Variants in PHF21B observed in about 807,000 individuals in gnomAD.
The protein encoded by PHF21B is PHD finger protein 21B.
PHF21B carries 22 observed loss-of-function variants against 62.2 expected under a neutral mutation model. That is an observed-to-expected ratio of 0.35 (90% confidence interval 0.25 to 0.51). The LOEUF (loss-of-function observed/expected upper bound fraction) is 0.51. PHF21B is among the 20% of genes least tolerant of loss of function. The pLI, the probability that PHF21B is intolerant of heterozygous loss-of-function variation, is 0.97. For synonymous variants in PHF21B, 341 were observed against 314.7 expected (o/e 1.08, Z -0.88); for missense variants, 701 against 707.9 (o/e 0.99, Z 0.11).
At chr22:44,939,284 T>C (rs1461461595) in intron 2 of PHF21B, among the ~76,000 whole-genome samples, 1 of 152,106 alleles carries the variant, frequency 6.6e-6, no homozygotes, top group Non-Finnish European at 1.5e-5. Flanking sequence ...ACTCTGAAGC[T>C]CCAGGGTGCA....
chr22:44,906,811 G>T (rs879302855), intron 5 of PHF21B, among the ~76,000 whole-genome samples: 1 of 152,212 alleles, frequency 6.6e-6, no homozygotes, highest in Non-Finnish European at 1.5e-5. Flanking sequence ...GAGAAGGAAG[G>T]GGAAGCACAG....
At chr22:44,911,637 C>A (rs999851464) in intron 5 of PHF21B, among the ~76,000 whole-genome samples, 8 of 152,224 alleles carry the variant, frequency 5.3e-5, no homozygotes, top group Non-Finnish European at 1.0e-4. Context: ...GGTTTTGGAA[C>A]CTCTGCCTAG....
At chr22:44,974,037 AAAG>A (rs1320225867) in intron 2 of PHF21B, among the ~76,000 whole-genome samples, 2 of 152,190 alleles carry the variant, frequency 1.3e-5, no homozygotes, top group Admixed American at 1.3e-4. Context: ...AGAAGTACTA[AAAG>A]CTTTGGGCTG....
intron 2 of PHF21B, among the ~76,000 whole-genome samples, chr22:44,939,651 C>A (rs1258040549): frequency 6.6e-6 from 1 of 152,122 alleles, no homozygotes; most frequent in Non-Finnish European, 1.5e-5. Flanking sequence ...CCTGTCCCAG[C>A]ATCAACGAGG....
At chr22:44,897,905 C>T (rs570309400) in intron 5 of PHF21B, among the ~76,000 whole-genome samples, 1 of 152,210 alleles carries the variant, frequency 6.6e-6, no homozygotes, top group East Asian at 1.9e-4. Flanking sequence ...AACTCCTGGG[C>T]TCAAGCAATT....
rs2147558003 is a variant in PHF21B, at chr22:45,009,324, G to A, written c.54+172C>T. 4.4e-6 allele frequency: 3 copies of A among 675,734 alleles called. No individual in the cohort carries two copies. Among genetic ancestry groups the A allele is most frequent in the Non-Finnish European group, 7.1e-6 (3 of 420,508 alleles). The allele number at this position is 675,734 out of a possible 1,614,324, so 41.9% of individuals were successfully genotyped here. On this transcript the variant is annotated intron_variant, in intron 1 of 12. Coordinates refer to ENST00000313237, the MANE Select transcript of PHF21B (RefSeq NM_138415.5). The surrounding 1 kb of genome is among the most constrained non-coding windows in gnomAD (Gnocchi z 5.9). ...GGACAGCGCCAGGGGCAGGCGGAGG[G>A]GAGCCCAGAAGGGGGTCCGCGCGTG...
At chr22:44,971,684 C>T (rs2072641336) in intron 2 of PHF21B, among the ~76,000 whole-genome samples, 1 of 152,214 alleles carries the variant, frequency 6.6e-6, no homozygotes, top group Admixed American at 6.5e-5. Context: ...TCCCACAAGC[C>T]ATCAAAACAC....
intron 2 of PHF21B, among the ~76,000 whole-genome samples, chr22:44,921,955 G>T (rs145602018): frequency 6.6e-6 from 1 of 152,072 alleles, no homozygotes; most frequent in Non-Finnish European, 1.5e-5. Flanking sequence ...CACCGCGCCC[G>T]GTCCTGATGG....
At chr22:44,933,707 C>T (rs557816130) in intron 2 of PHF21B, among the ~76,000 whole-genome samples, 65 of 120,978 alleles carry the variant, frequency 5.4e-4, no homozygotes, top group Non-Finnish European at 7.2e-4. Flanking sequence ...TGGAGCTCTT[C>T]GTGCAGATAA....
intron 5 of PHF21B, among the ~76,000 whole-genome samples, chr22:44,898,454 C>T (rs924150195): frequency 4.6e-5 from 7 of 152,098 alleles, no homozygotes; most frequent in Non-Finnish European, 1.0e-4. Flanking sequence ...CCACTCTTTC[C>T]GTGCCTGCCC....
rs993915406 is a variant in PHF21B, at chr22:44,936,301, G to A, written c.121-15811C>T. Among the ~76,000 whole-genome samples, 5 of 152,330 alleles carry A rather than the reference G, an allele frequency of 3.3e-5. No individual in the cohort carries two copies. The South Asian group carries it at 8.3e-4, about 25-fold the overall frequency. On this transcript the variant is annotated intron_variant, in intron 2 of 12. Coordinates refer to ENST00000313237, the MANE Select transcript of PHF21B (RefSeq NM_138415.5). ...CGGCACAGGGGAAGCTGCAGGTCCC[G>A]CCTGGTTCTGAAGGCGGCTCCTTGT...
intron 2 of PHF21B, among the ~76,000 whole-genome samples, chr22:44,987,084 A>G (rs1483590023): frequency 1.3e-5 from 2 of 152,236 alleles, no homozygotes; most frequent in African/African-American, 2.4e-5. Flanking sequence ...GTTTACGCAC[A>G]GAAGAGTAAC....
chr22:44,984,125 CCATCATCATGATCACCATCAT>C (rs2072895737), intron 2 of PHF21B, among the ~76,000 whole-genome samples: 3 of 141,280 alleles, frequency 2.1e-5, no homozygotes, highest in East Asian at 2.1e-4. Flanking sequence ...ACCACCATCA[CCATCATCATGATCACCATCAT>C]CATCACCACC....
At position 45,009,453 on chromosome 22, in the gene PHF21B, G is replaced by A. The variant is rs753215311; in HGVS notation, c.54+43C>T. On this transcript the variant is annotated intron_variant, in intron 1 of 12. Transcript: ENST00000313237. The surrounding 1 kb of genome is among the most constrained non-coding windows in gnomAD (Gnocchi z 5.9). ...TCGGGTCCCCCGACCCCCTCACCCC[G>A]CAACACACTCCCCGGCCCCGGGCCC... is the stretch of plus-strand genomic sequence containing the variant. 8.6e-6 allele frequency: 13 copies of A among 1,512,184 alleles called. No individual in the cohort carries two copies. The highest frequency in any genetic ancestry group is 4.9e-5 in the South Asian group (4 of 81,960). 93.7% of individuals were successfully genotyped at this position (1,512,184 alleles called of 1,614,324 possible).
intron 2 of PHF21B, among the ~76,000 whole-genome samples, chr22:44,986,059 C>A (rs2072941686): frequency 6.6e-6 from 1 of 151,692 alleles, no homozygotes; most frequent in Non-Finnish European, 1.5e-5. Context: ...ACTACCATCA[C>A]AATGATCACC....
chr22:44,963,682 G>A (rs2072469189), intron 2 of PHF21B, among the ~76,000 whole-genome samples: 3 of 152,234 alleles, frequency 2.0e-5, no homozygotes, highest in African/African-American at 7.2e-5. Context: ...TACGCTCCCA[G>A]GGGCCATGTG....
At chr22:45,002,014 CTTT>C (rs893514881) in intron 2 of PHF21B, 2 of 152,228 alleles carry the variant, frequency 1.3e-5, no homozygotes, top group African/African-American at 4.8e-5. Flanking sequence ...TAGAATTCTT[CTTT>C]ATCTCCTAAA....
intron 2 of PHF21B, among the ~76,000 whole-genome samples, chr22:44,992,401 G>A (rs2073055573): frequency 6.6e-6 from 1 of 152,240 alleles, no homozygotes; most frequent in African/African-American, 2.4e-5. Context: ...TGAGACTGGT[G>A]TCAGGGCTAC....
intron 2 of PHF21B, among the ~76,000 whole-genome samples, chr22:44,931,107 T>C (rs1428150638): frequency 6.6e-6 from 1 of 152,186 alleles, no homozygotes; most frequent in Non-Finnish European, 1.5e-5. Context: ...CCAACTGCAG[T>C]GCAGTGGCGC....
Sources: gnomAD v4.1 joint callset for allele counts (sites outside exome capture counted in the v4.1 genomes callset) on GRCh38, gnomAD v4.1.1 for gene constraint, Gnocchi (gnomAD v3.1) non-coding constraint, MANE v1.5 for transcripts, NCBI Gene and HGNC (gene_info 2026-07-23, HGNC 2026-07-21) for gene names.